Variants in ZNF260 observed in about 807,000 individuals in gnomAD.
ZNF260 encodes the protein zinc finger protein 260.
ZNF260 carries 21 observed loss-of-function variants against 29.3 expected under a neutral mutation model. The observed-to-expected ratio is 0.72, with a 90% confidence interval of 0.51 to 1.03. The LOEUF (loss-of-function observed/expected upper bound fraction) is 1.03. ZNF260 is among the 50% of genes least tolerant of loss of function. The pLI, the probability that ZNF260 is intolerant of heterozygous loss-of-function variation, is 0.00. For synonymous variants in ZNF260, 156 were observed against 156.8 expected, an observed-to-expected ratio of 0.99 and a Z score of 0.04; for missense variants, 465 against 487.8, an observed-to-expected ratio of 0.95 and a Z score of 0.44.
At position 36,524,122 on chromosome 19, in the gene ZNF260, A is replaced by C. The variant is rs958263233; in HGVS notation, c.-462+1033T>G. The stretch of plus-strand genomic sequence containing the variant: ...AAAAGAATCTACTTGCTAGTCTTTG[A>C]AAGTTTTTTTATTGATACATAATAG... On this transcript the variant is annotated intron_variant, in intron 2 of 2. Coordinates refer to ENST00000523638, the MANE Select transcript of ZNF260 (RefSeq NM_001166037.2). Among the ~76,000 whole-genome samples, 9 of 152,284 alleles carry C rather than the reference A, an allele frequency of 5.9e-5. No individual in the cohort carries two copies. The South Asian group carries it at 1.7e-3, about 28-fold the overall frequency.
intron 2 of ZNF260, among the ~76,000 whole-genome samples, chr19:36,522,308 T>C (rs368899081): frequency 6.6e-5 from 10 of 151,746 alleles, no homozygotes; most frequent in African/African-American, 2.4e-4. Context: ...TACAAAAAAT[T>C]AGCTGGGCGT....
intron 2 of ZNF260, among the ~76,000 whole-genome samples, chr19:36,521,979 G>A (rs536990657): frequency 5.2e-4 from 79 of 151,110 alleles, no homozygotes; most frequent in African/African-American, 1.9e-3. Flanking sequence ...AACCTGGGAG[G>A]CAGAGCTTGC....
Position 36,514,694 on chromosome 19 carries a change from T to C in ZNF260, c.545A>G (p.His182Arg). 3 of 1,614,062 alleles carry C rather than the reference T, an allele frequency of 1.9e-6. No individual in the cohort carries two copies. Among genetic ancestry groups the C allele is most frequent in the Non-Finnish European group, 2.5e-6 (3 of 1,180,004 alleles). Residue 182 changes from histidine to arginine, a missense_variant, in exon 3 of 3, where the codon CAT (histidine) becomes CGT (arginine). Physicochemically the swap from His to Arg is conservative, Grantham distance 29. Transcript: ENST00000523638. ...AFSQKQYLIK[H>R]QNIHTGKKPF... The stretch of plus-strand genomic sequence containing the variant: ...CTTCTTTCCAGTATGGATGTTCTGA[T>C]GTTTAATGAGGTATTGCTTCTGGCT...
chr19:36,518,955 G>A (rs970084937), intron 2 of ZNF260, among the ~76,000 whole-genome samples: 7 of 151,814 alleles, frequency 4.6e-5, no homozygotes, highest in Non-Finnish European at 8.8e-5. Flanking sequence ...GAGATGGTAC[G>A]ATGGCTTGAG....
chr19:36,523,804 C>A (rs982253430), intron 2 of ZNF260, among the ~76,000 whole-genome samples: 1 of 151,958 alleles, frequency 6.6e-6, no homozygotes, highest in Non-Finnish European at 1.5e-5. Flanking sequence ...TCTCAAACTC[C>A]TGACCTCATG....
intron 2 of ZNF260, among the ~76,000 whole-genome samples, chr19:36,523,479 A>G (rs1055173472): frequency 9.9e-5 from 15 of 152,262 alleles, no homozygotes; most frequent in Middle Eastern, 3.4e-3. Context: ...TGCTTCTGGG[A>G]AACAGGGGAT....
At position 36,514,990 on chromosome 19, in the gene ZNF260, A is replaced by G. The variant is rs1157438697; in HGVS notation, c.249T>C (p.Tyr83=). The change falls in exon 3 of 3, where the codon TAT becomes TAC. Residue 83 remains tyrosine (Y), a synonymous_variant. Transcript: ENST00000523638. The part of the protein sequence containing the change: ...HLRSHTGKKA[Y]KCNKCGKAFS... Reference sequence around the variant, plus strand: ...AGGCTTTTCCACATTTATTACATTTATATGCCTTCTTTCCTGTGTGACTTC... The same window carrying G: ...AGGCTTTTCCACATTTATTACATTTGTATGCCTTCTTTCCTGTGTGACTTC... 6.2e-7 allele frequency: 1 copy of G among 1,614,114 alleles called. No homozygotes were observed. Among genetic ancestry groups the G allele is most frequent in the South Asian group, 1.1e-5 (1 of 91,084 alleles).
chr19:36,518,305 T>C (rs1433849741), intron 2 of ZNF260, among the ~76,000 whole-genome samples: 1 of 152,098 alleles, frequency 6.6e-6, no homozygotes, highest in Non-Finnish European at 1.5e-5. Context: ...CAGAAAACAT[T>C]TGATGAAAGT....
rs1205356320 is a variant in ZNF260 at position 36,513,025 on chromosome 19, A to C, written c.*975T>G. 6.6e-6 allele frequency: 1 copy of C among 152,218 alleles called. No homozygotes were observed. Among genetic ancestry groups the C allele is most frequent in the East Asian group, 1.9e-4 (1 of 5,204 alleles). 9.4% of individuals were successfully genotyped at this position (152,218 alleles called of 1,614,324 possible). On this transcript the variant is annotated 3_prime_UTR_variant, in exon 3 of 3. Coordinates refer to ENST00000523638, the MANE Select transcript of ZNF260 (RefSeq NM_001166037.2). ...CAGTACAATAAGGTATTCTGAGAGA[A>C]AGATCATATTCACATAACTTTTATG...
intron 2 of ZNF260, among the ~76,000 whole-genome samples, chr19:36,524,440 A>C (rs2034695381): frequency 6.6e-6 from 1 of 151,796 alleles, no homozygotes; most frequent in Non-Finnish European, 1.5e-5. Context: ...CGGCCTCCCA[A>C]AGTGCTGGGA....
chr19:36,516,503 T>C (rs1600209913), intron 2 of ZNF260, among the ~76,000 whole-genome samples: 1 of 152,144 alleles, frequency 6.6e-6, no homozygotes, highest in South Asian at 2.1e-4. Context: ...GGTGGGCAGA[T>C]TGCTTAGGCC....
chr19:36,514,756 T>C lies in ZNF260; in HGVS notation c.483A>G (p.Glu161=), dbSNP rs2034517292. ...LTEHEKIHTG[E]KPFECNQCGR... is the part of the protein sequence containing the mutation. ...CACACTGATTACATTCAAATGGTTT[T>C]TCTCCAGTATGAATTTTCTCATGCT... Residue 161 remains glutamate (E), a synonymous_variant, in exon 3 of 3, where the codon GAA becomes GAG. Transcript: ENST00000523638. The C allele has an allele frequency of 6.2e-7, 1 of 1,613,372 alleles. No homozygotes were observed.
intron 2 of ZNF260, among the ~76,000 whole-genome samples, chr19:36,521,821 A>G (rs1376692824): frequency 6.7e-6 from 1 of 149,310 alleles, no homozygotes; most frequent in East Asian, 2.1e-4. Flanking sequence ...AGGTGGAGGC[A>G]GGCAGATCAC....
intron 2 of ZNF260, among the ~76,000 whole-genome samples, chr19:36,523,019 T>C (rs563781127): frequency 4.3e-4 from 66 of 152,304 alleles, no homozygotes; most frequent in Non-Finnish European, 7.9e-4. Flanking sequence ...AACAATCAAT[T>C]CAAATATCCA....
chr19:36,528,006 C>CGAG (rs1408634659), intron 1 of ZNF260, among the ~76,000 whole-genome samples: 1 of 152,024 alleles, frequency 6.6e-6, no homozygotes, highest in African/African-American at 2.4e-5. Context: ...CCTCAACACC[C>CGAG]CCTCACACTC....
In ZNF260 at chr19:36,513,423, G is replaced by T; in HGVS notation, c.*577C>A. On this transcript the variant is annotated 3_prime_UTR_variant, in exon 3 of 3. Coordinates refer to ENST00000523638, the MANE Select transcript of ZNF260 (RefSeq NM_001166037.2). The stretch of plus-strand genomic sequence containing the variant: ...TAAGAAAAATATTTTATATTATGAT[G>T]GGAGATATTATTTTTCCATATGAAG... 4.2e-6 allele frequency: 1 copy of T among 240,742 alleles called. No homozygotes were observed. Among genetic ancestry groups the T allele is most frequent in the East Asian group, 7.9e-5 (1 of 12,682 alleles). 14.9% of individuals were successfully genotyped at this position (240,742 alleles called of 1,614,324 possible). A position where few individuals can be genotyped will look rare whatever the true frequency, so the allele number is the denominator to read the frequency against.
In ZNF260 at chr19:36,513,625, C is replaced by A; in HGVS notation, c.*375G>T. Reference sequence around the variant, plus strand: ...TTTTGATGATTCTAGTTTTACAATTCATATATGTAGCAAAACATCACAAAA... The same window carrying A: ...TTTTGATGATTCTAGTTTTACAATTAATATATGTAGCAAAACATCACAAAA... On this transcript the variant is annotated 3_prime_UTR_variant, in exon 3 of 3. Transcript: ENST00000523638. 1 of 413,084 alleles carries A rather than the reference C, an allele frequency of 2.4e-6. No individual in the cohort carries two copies. The highest frequency in any genetic ancestry group is 1.0e-4 in the South Asian group (1 of 9,638). The allele number at this position is 413,084 out of a possible 1,614,324, so 25.6% of individuals were successfully genotyped here.
In ZNF260 at chr19:36,512,592, A is replaced by T. The variant is rs958601824; in HGVS notation, c.*1408T>A. On this transcript the variant is annotated 3_prime_UTR_variant, in exon 3 of 3. Coordinates refer to ENST00000523638, the MANE Select transcript of ZNF260 (RefSeq NM_001166037.2). ...CTTTCAATCCATTCTTTAGTTTTAC[A>T]TAATTTATCCATAACCAATTCTTAG... The T allele has an allele frequency of 2.6e-5, 4 of 152,058 alleles. No homozygotes were observed. The highest frequency in any genetic ancestry group is 9.6e-5 in the African/African-American group (4 of 41,462). 9.4% of individuals were successfully genotyped at this position (152,058 alleles called of 1,614,324 possible).
At chr19:36,515,854 A>AT (rs1390750491) in intron 2 of ZNF260, among the ~76,000 whole-genome samples, 155 bp from the exon 3 acceptor site, 1 of 152,110 alleles carries the variant, frequency 6.6e-6, no homozygotes, top group Non-Finnish European at 1.5e-5. Flanking sequence ...AATTTCAGAA[A>AT]TGTATTACTG....
Sources: gnomAD v4.1 joint callset for allele counts (sites outside exome capture counted in the v4.1 genomes callset) on GRCh38, gnomAD v4.1.1 for gene constraint, MANE v1.5 for transcripts, NCBI Gene and HGNC (gene_info 2026-07-23, HGNC 2026-07-21) for gene names.